ARB2A: variants seen among roughly 807,000 people sequenced by gnomAD.
ARB2A encodes the protein ARB2 cotranscriptional regulator A.
the ARB2A span, among the ~76,000 whole-genome samples, chr5:93,980,810 T>C: frequency 6.6e-6 from 1 of 152,142 alleles, no homozygotes; most frequent in Non-Finnish European, 1.5e-5. Flanking sequence ...TTTTAAAATA[T>C]TTTGTTAACC....
chr5:94,096,176 G>C, the ARB2A span, among the ~76,000 whole-genome samples: 2 of 152,142 alleles, frequency 1.3e-5, no homozygotes. Flanking sequence ...AAGAAGAATG[G>C]GTAATTCAAA....
chr5:93,674,232 T>C, the ARB2A span, among the ~76,000 whole-genome samples: 6 of 152,342 alleles, frequency 3.9e-5, no homozygotes, highest in South Asian at 1.2e-3. Flanking sequence ...GCCCTTTCAG[T>C]GAACAAACAG....
chr5:93,741,557 C>CG, the ARB2A span: 14 of 1,557,542 alleles, frequency 9.0e-6, no homozygotes, highest in Non-Finnish European at 1.2e-5. Context: ...GGCCTGTGTC[C>CG]GGCCATGGGT....
the ARB2A span, among the ~76,000 whole-genome samples, chr5:93,986,569 C>G: frequency 1.3e-5 from 2 of 152,186 alleles, no homozygotes; most frequent in African/African-American, 4.8e-5. Context: ...GCGGTTCTGT[C>G]TAATGGAAAA....
At chr5:93,786,281 C>A in the ARB2A span, among the ~76,000 whole-genome samples, 1 of 152,014 alleles carries the variant, frequency 6.6e-6, no homozygotes, top group Non-Finnish European at 1.5e-5. Flanking sequence ...AAGTAGAAAA[C>A]CTGGGGATTA....
At chr5:93,656,029 A>C in the ARB2A span, among the ~76,000 whole-genome samples, 1 of 152,186 alleles carries the variant, frequency 6.6e-6, no homozygotes, top group Non-Finnish European at 1.5e-5. Context: ...GAACTTTGCT[A>C]TGTCTGCACT....
At chr5:94,093,873 G>A in the ARB2A span, among the ~76,000 whole-genome samples, 1 of 152,088 alleles carries the variant, frequency 6.6e-6, no homozygotes, top group Admixed American at 6.5e-5. Flanking sequence ...AAAATACAAC[G>A]GTGGGACAGG....
chr5:94,012,530 G>A, the ARB2A span, among the ~76,000 whole-genome samples: 1 of 152,126 alleles, frequency 6.6e-6, no homozygotes, highest in African/African-American at 2.4e-5. Context: ...TAAGTTGCTG[G>A]AGGATGAGAC....
the ARB2A span, among the ~76,000 whole-genome samples, chr5:93,812,450 T>C: frequency 0.018 from 2,694 of 152,184 alleles, 23 homozygotes; most frequent in Non-Finnish European, 0.027. Flanking sequence ...CTTTAGAAAA[T>C]CAACATTTAT....
At chr5:94,021,456 T>G in the ARB2A span, among the ~76,000 whole-genome samples, 2 of 152,138 alleles carry the variant, frequency 1.3e-5, no homozygotes, top group East Asian at 3.9e-4. Flanking sequence ...TGTGACTAAC[T>G]GATGGAAAAA....
the ARB2A span, among the ~76,000 whole-genome samples, chr5:93,760,604 T>TA: frequency 2.0e-5 from 3 of 152,130 alleles, no homozygotes; most frequent in Non-Finnish European, 4.4e-5. Flanking sequence ...TTCAAATACT[T>TA]ACAGCCAACT....
At chr5:94,032,948 G>A in the ARB2A span, among the ~76,000 whole-genome samples, 2 of 152,146 alleles carry the variant, frequency 1.3e-5, no homozygotes, top group Non-Finnish European at 2.9e-5. Flanking sequence ...GAACTGATGG[G>A]AGGTGACTGT....
At chr5:93,617,930 A>G in the ARB2A span, 2 of 152,196 alleles carry the variant, frequency 1.3e-5, no homozygotes, top group Non-Finnish European at 2.9e-5. Context: ...CAATACTAAC[A>G]GAAATAAAAA....
At chr5:93,875,340 T>TCCCG in the ARB2A span, among the ~76,000 whole-genome samples, 1 of 152,094 alleles carries the variant, frequency 6.6e-6, no homozygotes, top group Non-Finnish European at 1.5e-5. Flanking sequence ...CAAGTGATTC[T>TCCCG]CCTGCCTCAT....
chr5:93,680,034 A>G, the ARB2A span, among the ~76,000 whole-genome samples: 3 of 152,120 alleles, frequency 2.0e-5, no homozygotes, highest in Non-Finnish European at 4.4e-5. Flanking sequence ...CCTTAAAAGT[A>G]AAGACTTATG....
the ARB2A span, among the ~76,000 whole-genome samples, chr5:93,851,707 G>C: frequency 1.3e-5 from 2 of 152,034 alleles, no homozygotes; most frequent in Admixed American, 1.3e-4. Flanking sequence ...TGTGGTGTTT[G>C]GTTTTTTGTT....
the ARB2A span, chr5:93,683,460 C>T: frequency 6.3e-6 from 10 of 1,597,420 alleles, no homozygotes; most frequent in Non-Finnish European, 8.5e-6. Flanking sequence ...CCAAGGGAAA[C>T]TGTTGGCTGT....
chr5:94,024,380 A>C, the ARB2A span, among the ~76,000 whole-genome samples: 2 of 152,154 alleles, frequency 1.3e-5, no homozygotes, highest in African/African-American at 4.8e-5. Context: ...GGCCTCCCCC[A>C]TCAGATTTTG....
the ARB2A span, among the ~76,000 whole-genome samples, chr5:93,628,963 T>G: frequency 6.6e-6 from 1 of 152,266 alleles, no homozygotes; most frequent in East Asian, 1.9e-4. Flanking sequence ...ATTCACAACT[T>G]GGCTAACTGT....
Sources: allele counts gnomAD v4.1 joint callset (sites outside exome capture counted in the v4.1 genomes callset), GRCh38; gene constraint gnomAD v4.1.1; transcripts MANE v1.5; gene names NCBI Gene and HGNC (gene_info 2026-07-23, HGNC 2026-07-21).